Variants in GGT1 observed in about 807,000 individuals in gnomAD.
GGT1 encodes glutathione hydrolase 1 proenzyme.
A neutral mutation model predicts 56.0 loss-of-function variants in GGT1; 21 were observed. That is an observed-to-expected ratio of 0.38 (90% CI 0.27 to 0.54). The LOEUF is 0.54. Ranked by LOEUF, GGT1 falls within the 20% of genes least tolerant of loss-of-function variation. The probability of loss-of-function intolerance (pLI) is 0.82; values close to 1 mark genes in which losing one functional copy is unlikely to be tolerated. For synonymous variants in GGT1, 238 were observed against 342.6 expected (o/e 0.69, Z 3.37); for missense variants, 466 against 787.0 (o/e 0.59, Z 4.88).
rs1169481282 is a variant in GGT1 at position 24,605,751 on chromosome 22, A to C, written c.-428-2203A>C. 3.9e-5 allele frequency among the ~76,000 whole-genome samples: 3 copies of C among 77,894 alleles called. 1 individual carries two copies. The highest frequency in any genetic ancestry group is 6.0e-5 in the Non-Finnish European group (3 of 50,080). The allele number at this position is 77,894 out of a possible 152,430, so 51.1% of individuals were successfully genotyped here. A position where few individuals can be genotyped will look rare whatever the true frequency, so the allele number is the denominator to read the frequency against. ...TATATAATATTATATAATGTGTATTATATATTATATAATATTATATAATGT... is the reference window on the plus strand; with the variant it reads ...TATATAATATTATATAATGTGTATTCTATATTATATAATATTATATAATGT... On this transcript the variant is annotated intron_variant, in intron 1 of 15. Coordinates refer to ENST00000400382, the MANE Select transcript of GGT1 (RefSeq NM_001288833.2).
chr22:24,624,614 C>T lies in GGT1; in HGVS notation c.1020+698C>T, dbSNP rs1601757692. ...GTCTTGTCTCTCTGAGGGGACAGAG[C>T]CACTGCAGTGTGTCCCTCTGCCCTC... is the stretch of plus-strand genomic sequence containing the variant. On this transcript the variant is annotated intron_variant, in intron 11 of 15. Transcript: ENST00000400382. 5 of 926,190 alleles carry T rather than the reference C, an allele frequency of 5.4e-6. No individual in the cohort carries two copies. In the East Asian group the frequency reaches 3.5e-4, roughly 65 times the overall value. The allele number at this position is 926,190 out of a possible 1,614,324, so 57.4% of individuals were successfully genotyped here. A position where few individuals can be genotyped will look rare whatever the true frequency, so the allele number is the denominator to read the frequency against.
chr22:24,599,794 A>G (rs2045754190), upstream of GGT1, among the ~76,000 whole-genome samples: 1 of 152,192 alleles, frequency 6.6e-6, no homozygotes, highest in Admixed American at 6.5e-5. Context: ...GAGGTCGGGA[A>G]GGTGCTGCTA....
chr22:24,621,725 G>C (rs1454290293), intron 9 of GGT1, among the ~76,000 whole-genome samples: 1 of 152,172 alleles, frequency 6.6e-6, no homozygotes, highest in African/African-American at 2.4e-5. Context: ...AGGCCAAGCG[G>C]CAGGGAGACT....
At chr22:24,586,719 C>T in the GGT1 span, among the ~76,000 whole-genome samples, 29 of 152,280 alleles carry the variant, frequency 1.9e-4, 1 homozygote, top group South Asian at 3.5e-3. Flanking sequence ...TTAGTAGAGG[C>T]GGGGTTTCTC....
chr22:24,620,665 C>A lies in GGT1; in HGVS notation c.575+145C>A, dbSNP rs549084267. On this transcript the variant is annotated intron_variant, in intron 8 of 15. Coordinates refer to ENST00000400382, the MANE Select transcript of GGT1 (RefSeq NM_001288833.2). This position sits in a 1 kb window ranked among gnomAD's most constrained non-coding sequence, Gnocchi z 5.6. ...GAGGAGATACAGACCCTTCCCACCA[C>A]GTGTGGGGACACATTCTGAGCGTGG... is the stretch of plus-strand genomic sequence containing the variant. The A allele has an allele frequency of 2.0e-6, 3 of 1,466,532 alleles. No individual in the cohort carries two copies. In the Admixed American group the frequency reaches 7.8e-5, roughly 38 times the overall value. 90.8% of individuals were successfully genotyped at this position (1,466,532 alleles called of 1,614,324 possible). A position where few individuals can be genotyped will look rare whatever the true frequency, so the allele number is the denominator to read the frequency against.
At position 24,623,108 on chromosome 22, in the gene GGT1, G is replaced by A. The variant is rs1412396395; in HGVS notation, c.735G>A (p.Gly245=). ...AQIVKDIQAA[G]GIVTAEDLNN... ...ATTTGAGCTGCTGTCCCATTGCAGGGGGCATTGTGACAGCTGAGGACCTGA... is the reference window on the plus strand; with the variant it reads ...ATTTGAGCTGCTGTCCCATTGCAGGAGGCATTGTGACAGCTGAGGACCTGA... Residue 245 remains glycine, a splice_region_variant and synonymous_variant, in exon 10 of 16, where the codon GGG becomes GGA. Coordinates refer to ENST00000400382, the MANE Select transcript of GGT1 (RefSeq NM_001288833.2). The A allele has an allele frequency of 3.1e-6, 5 of 1,611,786 alleles. No homozygotes were observed. The South Asian group carries it at 5.5e-5, about 18-fold the overall frequency.
At chr22:24,586,200 G>T in the GGT1 span, 1 of 1,613,664 alleles carries the variant, frequency 6.2e-7, no homozygotes, top group Non-Finnish European at 8.5e-7. Context: ...AGCAGGAGCT[G>T]GGTGAGGCGG....
chr22:24,623,008 G>A, intron 9 of GGT1, 99 bp from the exon 10 acceptor site: 3 of 1,462,340 alleles, frequency 2.1e-6, no homozygotes, highest in Non-Finnish European at 1.9e-6. Context: ...CCACCATGGT[G>A]CAGCCATGCC....
In GGT1 at chr22:24,627,492, G is replaced by A. The variant is rs138813205; in HGVS notation, c.1081G>A (p.Asp361Asn). Residue 361 changes from aspartate to asparagine, a missense_variant, in exon 12 of 16, where the codon GAC becomes AAC. This residue lies in a region of GGT1 where 456 missense variants were observed against 716.7 expected (regional missense o/e 0.64). Transcript: ENST00000400382. ...AAQLRAQISD[D>N]TTHPISYYKP... ...CCAGCTCCGGGCCCAGATCTCTGAC[G>A]ACACCACTCACCCGATCTCCTACTA... 23 of 1,595,880 alleles carry A rather than the reference G, an allele frequency of 1.4e-5. No homozygotes were observed. Among genetic ancestry groups the A allele is most frequent in the African/African-American group, 6.8e-5 (5 of 73,890 alleles).
chr22:24,616,523 A>G (rs866723844), intron 7 of GGT1, among the ~76,000 whole-genome samples: 40 of 144,574 alleles, frequency 2.8e-4, no homozygotes, highest in Middle Eastern at 3.7e-3. Context: ...TCTGCAACAT[A>G]CTCAATCTTT....
At chr22:24,604,303 G>T (rs2045894954) in intron 1 of GGT1, among the ~76,000 whole-genome samples, 2 of 152,176 alleles carry the variant, frequency 1.3e-5, no homozygotes, top group Non-Finnish European at 1.5e-5. Flanking sequence ...CTGTGAATGG[G>T]GTTGGGGCTG....
chr22:24,593,526 G>C (rs1457225004), upstream of GGT1, among the ~76,000 whole-genome samples: 2 of 152,140 alleles, frequency 1.3e-5, no homozygotes, highest in African/African-American at 4.8e-5. Flanking sequence ...GGTGGCTCAC[G>C]CCTGTAATCC....
upstream of GGT1, among the ~76,000 whole-genome samples, chr22:24,599,005 G>A (rs1449458832): frequency 2.6e-5 from 4 of 151,862 alleles, no homozygotes; most frequent in Non-Finnish European, 5.9e-5. Flanking sequence ...AGTCTCAAGT[G>A]ATCCACCCAC....
At chr22:24,588,543 G>T in the GGT1 span, 1 of 769,170 alleles carries the variant, frequency 1.3e-6, no homozygotes, top group Non-Finnish European at 2.0e-6. Flanking sequence ...AGCTGGACAG[G>T]CTGGTCCAGT....
Position 24,620,437 on chromosome 22 carries a change from C to A in GGT1, c.492C>A (p.Ala164=). Residue 164 remains alanine, a synonymous_variant, in exon 8 of 16, where the codon GCC becomes GCA. Transcript: ENST00000400382. The surrounding 1 kb of genome is among the most constrained non-coding windows in gnomAD (Gnocchi z 5.6). The part of the protein sequence containing the change: ...ARLFQPSIQL[A]RQGFPVGKGL... The stretch of plus-strand genomic sequence containing the variant: ...TCTTCCAGCCCAGCATCCAGCTGGC[C>A]CGCCAGGGCTTCCCCGTGGGCAAGG... 2.5e-6 allele frequency: 4 copies of A among 1,611,688 alleles called. No homozygotes were observed. In the South Asian group the frequency reaches 4.4e-5, roughly 18 times the overall value.
rs1330136617 is a variant in GGT1 at position 24,605,971 on chromosome 22, A to G, written c.-428-1983A>G. 6.7e-5 allele frequency among the ~76,000 whole-genome samples: 4 copies of G among 59,510 alleles called. 2 individuals carry two copies. Among genetic ancestry groups the G allele is most frequent in the Non-Finnish European group, 1.2e-4 (4 of 32,746 alleles). 39.0% of individuals were successfully genotyped at this position (59,510 alleles called of 152,430 possible). ...ATATTATATATAATATATTACATAT[A>G]ATATATCATATATTATATTTATATA... is the stretch of plus-strand genomic sequence containing the variant. On this transcript the variant is annotated intron_variant, in intron 1 of 15. Transcript: ENST00000400382.
At chr22:24,599,991 C>G, upstream of GGT1, among the ~76,000 whole-genome samples, 1 of 152,284 alleles carries the variant, frequency 6.6e-6, no homozygotes, top group South Asian at 2.1e-4. Context: ...GGCATGGTGT[C>G]GGGACTGGGG....
intron 5 of GGT1, among the ~76,000 whole-genome samples, chr22:24,611,539 CT>C (rs1464843588): frequency 4.0e-4 from 52 of 129,154 alleles, no homozygotes; most frequent in East Asian, 1.3e-3. Flanking sequence ...ATCTATCTAT[CT>C]ATCATCTATC....
chr22:24,611,572 A>ATC (rs1450701644), intron 5 of GGT1, among the ~76,000 whole-genome samples: 7 of 151,232 alleles, frequency 4.6e-5, no homozygotes, highest in African/African-American at 1.7e-4. Flanking sequence ...CTATCTATCT[A>ATC]TCTATCTATC....
Sources: allele counts gnomAD v4.1 joint callset (sites outside exome capture counted in the v4.1 genomes callset), GRCh38; gene constraint gnomAD v4.1.1; regional missense constraint gnomAD v4.1.1; non-coding constraint Gnocchi (gnomAD v3.1); transcripts MANE v1.5; gene names NCBI Gene and HGNC (gene_info 2026-07-23, HGNC 2026-07-21).